Variants in CABCOCO1 observed in about 807,000 individuals in gnomAD.
CABCOCO1 encodes the protein ciliary-associated calcium-binding coiled-coil protein 1.
CABCOCO1 carries 28 observed loss-of-function variants against 35.7 expected under a neutral mutation model. That is an observed-to-expected ratio of 0.78 (90% CI 0.58 to 1.07). The LOEUF is 1.07. Among genes scored for constraint, CABCOCO1 ranks in the 50% least tolerant of loss-of-function variants. CABCOCO1 has a pLI of 0.00. For missense variants in CABCOCO1, 326 were observed against 309.2 expected, an observed-to-expected ratio of 1.05 and a Z score of -0.41; for synonymous variants, 95 against 100.1, an observed-to-expected ratio of 0.95 and a Z score of 0.30.
At chr10:61,760,791 A>C in intron 6 of CABCOCO1, 72 bp from the exon 7 acceptor site, 7 of 1,450,192 alleles carry the variant, frequency 4.8e-6, no homozygotes, top group South Asian at 1.3e-5. Flanking sequence ...TAAAACAAGA[A>C]GTTTTAGGTT....
intron 7 of CABCOCO1, among the ~76,000 whole-genome samples, chr10:61,765,425 A>G (rs890294756): frequency 3.9e-5 from 6 of 152,184 alleles, no homozygotes; most frequent in Admixed American, 3.9e-4. Flanking sequence ...GCATCATTCC[A>G]AGAGTTCTAA....
intron 5 of CABCOCO1, among the ~76,000 whole-genome samples, chr10:61,702,204 A>G (rs947194183): frequency 6.6e-6 from 1 of 152,222 alleles, no homozygotes; most frequent in African/African-American, 2.4e-5. Context: ...TGTTTAAAGC[A>G]CTAGAAGGGA....
intron 2 of CABCOCO1, among the ~76,000 whole-genome samples, chr10:61,675,527 A>T (rs1172610660): frequency 6.6e-6 from 1 of 152,208 alleles, no homozygotes; most frequent in African/African-American, 2.4e-5. Flanking sequence ...CTGTCATTCA[A>T]ACACAACTAA....
At chr10:61,746,102 G>T (rs1453203403) in intron 5 of CABCOCO1, among the ~76,000 whole-genome samples, 1 of 152,140 alleles carries the variant, frequency 6.6e-6, no homozygotes, top group East Asian at 1.9e-4. Context: ...TCTGGCTCTG[G>T]CCAGCAACCT....
chr10:61,730,775 T>G (rs1212656915), intron 5 of CABCOCO1, among the ~76,000 whole-genome samples: 1 of 152,058 alleles, frequency 6.6e-6, no homozygotes, highest in African/African-American at 2.4e-5. Flanking sequence ...TTATTATTGT[T>G]TCCTCCTCAT....
chr10:61,680,519 C>A (rs1194369016), intron 2 of CABCOCO1, among the ~76,000 whole-genome samples: 2 of 130,782 alleles, frequency 1.5e-5, no homozygotes, highest in African/African-American at 2.8e-5. Context: ...TTATATATAA[C>A]ATATTATATG....
intron 5 of CABCOCO1, among the ~76,000 whole-genome samples, chr10:61,704,942 C>T (rs528035696): frequency 6.6e-6 from 1 of 151,902 alleles, no homozygotes; most frequent in South Asian, 2.1e-4. Flanking sequence ...AAACAGTTCT[C>T]CTCCATGAAT....
At chr10:61,727,200 C>T (rs558745350) in intron 5 of CABCOCO1, among the ~76,000 whole-genome samples, 1 of 152,182 alleles carries the variant, frequency 6.6e-6, no homozygotes, top group African/African-American at 2.4e-5. Flanking sequence ...CAGGGAAGTA[C>T]TCAGTAAATA....
intron 5 of CABCOCO1, among the ~76,000 whole-genome samples, chr10:61,709,913 T>G (rs1349543227): frequency 6.6e-6 from 1 of 152,034 alleles, no homozygotes; most frequent in Non-Finnish European, 1.5e-5. Context: ...TTAGCTCTAC[T>G]TGCCATTCCA....
rs749588751 is a variant in CABCOCO1 at position 61,686,127 on chromosome 10, G to A, written c.421G>A (p.Asp141Asn). The A allele has an allele frequency of 5.6e-6, 9 of 1,603,410 alleles. No homozygotes were observed. Among genetic ancestry groups the A allele is most frequent in the South Asian group, 1.1e-5 (1 of 88,334 alleles). ...ACCAACACATTCGCAAAAGAGTGAG[G>A]ACTGGAATATCTTTGATGTAAAACA... ...IGPTHSQKSE[D>N]WNIFDVKQAN... is the part of the protein sequence containing the mutation. The change falls in exon 4 of 8, where the codon GAC (aspartate) becomes AAC (asparagine). Residue 141 changes from aspartate (D) to asparagine (N), a missense_variant. Asp to Asn is a conservative substitution (Grantham distance 23, BLOSUM62 1). Transcript: ENST00000648843.
intron 3 of CABCOCO1, among the ~76,000 whole-genome samples, chr10:61,683,320 G>A (rs1205385194): frequency 6.6e-6 from 1 of 152,112 alleles, no homozygotes; most frequent in Admixed American, 6.5e-5. Context: ...AGCACTTTAG[G>A]AGGCCAAGGC....
intron 5 of CABCOCO1, among the ~76,000 whole-genome samples, chr10:61,741,694 C>G (rs1841552471): frequency 6.6e-6 from 1 of 152,106 alleles, no homozygotes; most frequent in Non-Finnish European, 1.5e-5. Flanking sequence ...AAATAATATT[C>G]TAATGTTGTT....
chr10:61,732,729 A>C (rs1160312026), intron 5 of CABCOCO1, among the ~76,000 whole-genome samples: 2 of 152,198 alleles, frequency 1.3e-5, no homozygotes, highest in African/African-American at 2.4e-5. Context: ...AGGCTCTGTT[A>C]GTCCTCAAAA....
chr10:61,700,094 CAT>C (rs1564540054), intron 5 of CABCOCO1, among the ~76,000 whole-genome samples: 2 of 152,062 alleles, frequency 1.3e-5, no homozygotes, highest in African/African-American at 2.4e-5. Flanking sequence ...TGGAATAACA[CAT>C]GTCTATATTA....
intron 2 of CABCOCO1, among the ~76,000 whole-genome samples, chr10:61,675,666 C>G (rs994110442): frequency 2.0e-5 from 3 of 151,396 alleles, no homozygotes; most frequent in Admixed American, 2.0e-4. Flanking sequence ...CTGCTAGAAA[C>G]AGAAGAAAAT....
At chr10:61,676,235 C>A (rs1347443429) in intron 2 of CABCOCO1, among the ~76,000 whole-genome samples, 1 of 152,078 alleles carries the variant, frequency 6.6e-6, no homozygotes, top group African/African-American at 2.4e-5. Flanking sequence ...TTCATGTGGT[C>A]TTATTGAAAA....
chr10:61,751,397 G>A (rs933095041), intron 5 of CABCOCO1, among the ~76,000 whole-genome samples: 3 of 151,938 alleles, frequency 2.0e-5, no homozygotes, highest in Non-Finnish European at 4.4e-5. Flanking sequence ...GCATCAGCAG[G>A]TGCCCCCAAT....
At chr10:61,713,638 G>C (rs1840786230) in intron 5 of CABCOCO1, among the ~76,000 whole-genome samples, 1 of 152,136 alleles carries the variant, frequency 6.6e-6, no homozygotes. Flanking sequence ...TATGATATTG[G>C]CTGTGGGTTT....
chr10:61,721,530 G>A (rs1313494977), intron 5 of CABCOCO1, among the ~76,000 whole-genome samples: 2 of 152,142 alleles, frequency 1.3e-5, no homozygotes, highest in Admixed American at 1.3e-4. Context: ...GAAGAGGAAA[G>A]GGAAGGGCAA....
Sources: gnomAD v4.1 joint callset for allele counts (sites outside exome capture counted in the v4.1 genomes callset) on GRCh38, gnomAD v4.1.1 for gene constraint, MANE v1.5 for transcripts, NCBI Gene and HGNC (gene_info 2026-07-23, HGNC 2026-07-21) for gene names.